SUV39H2: variants seen among roughly 807,000 people sequenced by gnomAD.
SUV39H2 encodes SUV39H2 histone lysine methyltransferase, also known as histone-lysine N-methyltransferase SUV39H2.
A neutral mutation model predicts 47.5 loss-of-function variants in SUV39H2; 10 were observed. That is an observed-to-expected ratio of 0.21 (90% CI 0.13 to 0.36). The LOEUF (loss-of-function observed/expected upper bound fraction) is 0.36. Ranked by LOEUF, SUV39H2 falls within the 10% of genes least tolerant of loss-of-function variation. The probability of loss-of-function intolerance (pLI) is 1.00; values close to 1 mark genes in which losing one functional copy is unlikely to be tolerated. For missense variants in SUV39H2, 266 were observed against 487.4 expected, an observed-to-expected ratio of 0.55 and a Z score of 4.28; for synonymous variants, 159 against 166.8, an observed-to-expected ratio of 0.95 and a Z score of 0.36.
chr10:14,884,794 A>G (rs1032669132), intron 2 of SUV39H2, among the ~76,000 whole-genome samples: 4 of 152,120 alleles, frequency 2.6e-5, no homozygotes, highest in Non-Finnish European at 4.4e-5. Context: ...TTTGCCCCTT[A>G]TTTATAAGTT....
At chr10:14,902,380 C>G in intron 5 of SUV39H2, 26 bp from the exon 6 acceptor site, 1 of 1,466,738 alleles carries the variant, frequency 6.8e-7, no homozygotes, top group Non-Finnish European at 9.4e-7. Context: ...TCTCTTTCTC[C>G]TATATTTCTT....
chr10:14,879,058 AC>A, intron 1 of SUV39H2, 139 bp downstream of exon 1: 2 of 1,310,206 alleles, frequency 1.5e-6, no homozygotes, highest in South Asian at 4.5e-5. Context: ...TCCGGGACGC[AC>A]GCTGCGGACG....
intron 2 of SUV39H2, among the ~76,000 whole-genome samples, chr10:14,896,167 TCC>T (rs1564341348): frequency 2.0e-5 from 3 of 152,196 alleles, no homozygotes; most frequent in Non-Finnish European, 2.9e-5. Context: ...GGTCTCGAAC[TCC>T]TGGGCTCAAG....
intron 2 of SUV39H2, among the ~76,000 whole-genome samples, chr10:14,893,165 G>A (rs375553160): frequency 5.3e-5 from 8 of 151,324 alleles, no homozygotes; most frequent in South Asian, 2.1e-4. Context: ...CACCTCGCCC[G>A]GCTAATTTTT....
chr10:14,887,043 C>G (rs1320279624), intron 2 of SUV39H2, among the ~76,000 whole-genome samples: 2 of 152,098 alleles, frequency 1.3e-5, no homozygotes, highest in Non-Finnish European at 2.9e-5. Context: ...TTGGCAGGTT[C>G]TAAAGAGAGT....
At chr10:14,888,233 A>T (rs181227838) in intron 2 of SUV39H2, among the ~76,000 whole-genome samples, 88 of 152,290 alleles carry the variant, frequency 5.8e-4, no homozygotes, top group African/African-American at 2.0e-3. Context: ...AGCAAAGCAA[A>T]TGTGAGCAGA....
intron 2 of SUV39H2, among the ~76,000 whole-genome samples, chr10:14,885,269 T>C (rs540985266): frequency 2.0e-4 from 31 of 152,296 alleles, no homozygotes; most frequent in African/African-American, 6.7e-4. Flanking sequence ...TGCACCTATT[T>C]TCCTCCTTCA....
At chr10:14,885,780 C>G (rs1564335349) in intron 2 of SUV39H2, among the ~76,000 whole-genome samples, 1 of 152,162 alleles carries the variant, frequency 6.6e-6, no homozygotes, top group Non-Finnish European at 1.5e-5. Context: ...TTTACAAATT[C>G]AGAGTAGGTG....
rs113302592 is a variant in SUV39H2 at position 14,889,869 on chromosome 10, C to T, written c.178-6977C>T. ...TCAATGCAAGGTGATTTTTCTGCAGCATTATTGTTGCTACATCACCCCTTC... is the reference window on the plus strand; with the variant it reads ...TCAATGCAAGGTGATTTTTCTGCAGTATTATTGTTGCTACATCACCCCTTC... On this transcript the variant is annotated intron_variant, in intron 2 of 5. Coordinates refer to ENST00000354919, the MANE Select transcript of SUV39H2 (RefSeq NM_001193424.2). Among the ~76,000 whole-genome samples, 1,115 of 152,248 alleles carry T rather than the reference C, an allele frequency of 7.3e-3. 19 individuals carry two copies. Among genetic ancestry groups the T allele is most frequent in the African/African-American group, 0.025 (1,043 of 41,532 alleles).
At chr10:14,897,920 A>C (rs1420702448) in intron 3 of SUV39H2, 1 of 153,488 alleles carries the variant, frequency 6.5e-6, no homozygotes, top group Non-Finnish European at 1.4e-5. Flanking sequence ...TGTAGTTGGC[A>C]GAACTCTATT....
intron 1 of SUV39H2, among the ~76,000 whole-genome samples, chr10:14,880,239 G>A (rs1221242709): frequency 6.6e-6 from 1 of 152,122 alleles, no homozygotes. Context: ...GGATGGAATC[G>A]TTTGCAGCCA....
Position 14,896,951 on chromosome 10 carries a change from A to G in SUV39H2, c.283A>G (p.Asn95Asp). The G allele has an allele frequency of 6.2e-7, 1 of 1,614,080 alleles. No individual in the cohort carries two copies. Among genetic ancestry groups the G allele is most frequent in the East Asian group, 2.2e-5 (1 of 44,872 alleles). ...CCCGTTACTGCTTCAGCAATTCTCT[A>G]ATGACAAGCATAATTATTTATCTCA... ...KCPLLLQQFS[N>D]DKHNYLSQVK... The change falls in exon 3 of 6, where the codon AAT becomes GAT. Residue 95 changes from asparagine (N) to aspartate (D), a missense_variant. By Grantham distance (23) the Asn-to-Asp change is conservative. Coordinates refer to ENST00000354919, the MANE Select transcript of SUV39H2 (RefSeq NM_001193424.2).
At chr10:14,881,714 A>G (rs1343682392) in intron 2 of SUV39H2, 69 bp downstream of exon 2, 4 of 1,252,818 alleles carry the variant, frequency 3.2e-6, no homozygotes, top group Non-Finnish European at 4.2e-6. Context: ...TCTGTAACAT[A>G]AAAAGAACAT....
At chr10:14,888,898 A>C (rs1286361492) in intron 2 of SUV39H2, among the ~76,000 whole-genome samples, 1 of 152,150 alleles carries the variant, frequency 6.6e-6, no homozygotes, top group African/African-American at 2.4e-5. Flanking sequence ...TGAGGTCGGG[A>C]GTTCGAATCA....
At chr10:14,890,904 ATTG>A (rs1833367513) in intron 2 of SUV39H2, among the ~76,000 whole-genome samples, 1 of 152,118 alleles carries the variant, frequency 6.6e-6, no homozygotes. Flanking sequence ...TCATACAGTT[ATTG>A]TTGTGATTTG....
chr10:14,902,382 A>G lies in SUV39H2; in HGVS notation c.1127-24A>G, dbSNP rs190486619. On this transcript the variant is annotated intron_variant, in intron 5 of 5. Coordinates refer to ENST00000354919, the MANE Select transcript of SUV39H2 (RefSeq NM_001193424.2). ...AAATTGTCTTAACTCTCTTTCTCCTATATTTCTTTTTCTGTGTCTTCAGGT... is the reference window on the plus strand; with the variant it reads ...AAATTGTCTTAACTCTCTTTCTCCTGTATTTCTTTTTCTGTGTCTTCAGGT... 5.9e-4 allele frequency: 874 copies of G among 1,479,184 alleles called. 5 individuals are homozygous for G. Among genetic ancestry groups the G allele is most frequent in the African/African-American group, 4.6e-3 (323 of 70,614 alleles). 91.6% of individuals were successfully genotyped at this position (1,479,184 alleles called of 1,614,324 possible). A position where few individuals can be genotyped will look rare whatever the true frequency, so the allele number is the denominator to read the frequency against.
chr10:14,879,551 C>T (rs145634468), intron 1 of SUV39H2, among the ~76,000 whole-genome samples: 277 of 152,170 alleles, frequency 1.8e-3, no homozygotes, highest in Non-Finnish European at 3.3e-3. Context: ...TTTCACCCAC[C>T]GGGAGCTTGG....
rs567619360 is a variant in SUV39H2 at position 14,898,777 on chromosome 10, T to C, written c.850-762T>C. The C allele has an allele frequency of 5.2e-5, 8 of 155,218 alleles. No homozygotes were observed. In the East Asian group the frequency reaches 1.1e-3, roughly 22 times the overall value. 9.6% of individuals were successfully genotyped at this position (155,218 alleles called of 1,614,324 possible). ...CTTACAGAATTGCATGAAAATAACATATTCTACAAAAACAAAACCTTCCAT... is the reference window on the plus strand; with the variant it reads ...CTTACAGAATTGCATGAAAATAACACATTCTACAAAAACAAAACCTTCCAT... On this transcript the variant is annotated intron_variant, in intron 3 of 5. Coordinates refer to ENST00000354919, the MANE Select transcript of SUV39H2 (RefSeq NM_001193424.2).
intron 2 of SUV39H2, among the ~76,000 whole-genome samples, chr10:14,885,754 TTC>T (rs1030941569): frequency 1.6e-4 from 25 of 152,284 alleles, no homozygotes; most frequent in African/African-American, 6.0e-4. Context: ...GCCTTTTTTC[TTC>T]TCTTTCTCTT....
Sources: allele counts gnomAD v4.1 joint callset (sites outside exome capture counted in the v4.1 genomes callset), GRCh38; gene constraint gnomAD v4.1.1; transcripts MANE v1.5; gene names NCBI Gene and HGNC (gene_info 2026-07-23, HGNC 2026-07-21).